The following IL2RB variants were observed in gnomAD, a reference collection of about 807,000 sequenced individuals.
IL2RB encodes interleukin 2 receptor subunit beta.
A neutral mutation model predicts 44.2 loss-of-function variants in IL2RB; 17 were observed. That is an observed-to-expected ratio of 0.38 (90% CI 0.26 to 0.58). The LOEUF (loss-of-function observed/expected upper bound fraction) is 0.58. Among genes scored for constraint, IL2RB ranks in the 20% least tolerant of loss-of-function variants. IL2RB has a pLI of 0.63. For missense variants in IL2RB, 624 were observed against 685.5 expected (o/e 0.91, Z 1.00); for synonymous variants, 286 against 297.9 (o/e 0.96, Z 0.41).
At position 37,137,619 on chromosome 22, in the gene IL2RB, C is replaced by T. The variant is rs774119548; in HGVS notation, c.505G>A (p.Ala169Thr). 8 of 1,614,080 alleles carry T rather than the reference C, an allele frequency of 5.0e-6. No homozygotes were observed. In the East Asian group the frequency reaches 1.3e-4, roughly 27 times the overall value. ...HYFERHLEFE[A>T]RTLSPGHTWE... ...GTGTGGCCTGGGGACAGCGTCCGGGCCTCGAACTCCAGGTGTCTTTCAAAG... is the reference window on the plus strand; with the variant it reads ...GTGTGGCCTGGGGACAGCGTCCGGGTCTCGAACTCCAGGTGTCTTTCAAAG... Residue 169 changes from alanine (A) to threonine (T), a missense_variant, in exon 6 of 10, where the codon GCC (alanine) becomes ACC (threonine). This residue lies in a region of IL2RB where 255 missense variants were observed against 339.9 expected (regional missense o/e 0.75). Transcript: ENST00000216223.
At chr22:37,162,728 C>T (rs1922923437) in intron 1 of IL2RB, among the ~76,000 whole-genome samples, 1 of 152,112 alleles carries the variant, frequency 6.6e-6, no homozygotes, top group Non-Finnish European at 1.5e-5. Context: ...CCCACCCCAC[C>T]CCTCTACCCC....
At position 37,160,679 on chromosome 22, in the gene IL2RB, C is replaced by CAAAAAAAAAAAAAAAAA. The variant is rs10605445; in HGVS notation, c.-34+14262_-34+14278dup. Among the ~76,000 whole-genome samples, 318 of 135,960 alleles carry CAAAAAAAAAAAAAAAAA rather than the reference C, an allele frequency of 2.3e-3. 6 individuals carry two copies. Among genetic ancestry groups the CAAAAAAAAAAAAAAAAA allele is most frequent in the African/African-American group, 9.1e-3 (312 of 34,352 alleles). 89.2% of individuals were successfully genotyped at this position (135,960 alleles called of 152,430 possible). On this transcript the variant is annotated intron_variant, in intron 1 of 5. Transcript: ENST00000429622. ...CAACATGCCGAAACCCTGTCTATGC[C>CAAAAAAAAAAAAAAAAA]AAAAAAAAAAAAAAAAAAATTTAGC...
At position 37,128,992 on chromosome 22, in the gene IL2RB, T is replaced by C; in HGVS notation, c.904-144A>G. The stretch of plus-strand genomic sequence containing the variant: ...CCCCATCCAGGAAGCTCTCCCTGAT[T>C]ATAGCCCCGCACTCCCCCAACCCAC... On this transcript the variant is annotated intron_variant, in intron 9 of 9. Transcript: ENST00000216223. The surrounding 1 kb of genome is among the most constrained non-coding windows in gnomAD (Gnocchi z 4.5). 28 of 1,028,210 alleles carry C rather than the reference T, an allele frequency of 2.7e-5. No homozygotes were observed. The highest frequency in any genetic ancestry group is 2.7e-6 in the Non-Finnish European group (2 of 728,612). 63.7% of individuals were successfully genotyped at this position (1,028,210 alleles called of 1,614,324 possible). A position where few individuals can be genotyped will look rare whatever the true frequency, so the allele number is the denominator to read the frequency against.
chr22:37,160,793 T>G (rs1223972558), intron 1 of IL2RB, among the ~76,000 whole-genome samples: 1 of 148,988 alleles, frequency 6.7e-6, no homozygotes, highest in African/African-American at 2.5e-5. Context: ...GAGGTTGCAG[T>G]GAGATCGTGG....
chr22:37,165,260 A>C lies in IL2RB; in HGVS notation c.-34+9698T>G, dbSNP rs189787330. 2.0e-5 allele frequency among the ~76,000 whole-genome samples: 3 copies of C among 152,368 alleles called. No individual in the cohort carries two copies. The East Asian group carries it at 5.8e-4, about 29-fold the overall frequency. ...ACCAGGCTGCCGCCACCTTTGGAAG[A>C]AGAGAGCCATGAGAATTTGAGCTAT... is the stretch of plus-strand genomic sequence containing the variant. On this transcript the variant is annotated intron_variant, in intron 1 of 5. Transcript: ENST00000429622.
chr22:37,136,350 C>T lies in IL2RB; in HGVS notation c.581G>A (p.Cys194Tyr), dbSNP rs1182903601. The T allele has an allele frequency of 1.9e-6, 3 of 1,612,638 alleles. No individual in the cohort carries two copies. In the Admixed American group the frequency reaches 5.0e-5, roughly 27 times the overall value. ...LTLKQKQEWI[C>Y]LETLTPDTQY... ...GGTGTCTGGGGTGAGCGTCTCCAGG[C>T]AGATCCATTCCTGCTTCTGCTTGAG... The change falls in exon 7 of 10, where the codon TGC (cysteine) becomes TAC (tyrosine). Residue 194 changes from cysteine to tyrosine, a missense_variant. This residue lies in a region of IL2RB where 255 missense variants were observed against 339.9 expected (regional missense o/e 0.75). Coordinates refer to ENST00000216223, the MANE Select transcript of IL2RB (RefSeq NM_000878.5).
chr22:37,167,540 G>C (rs1190280181), intron 1 of IL2RB, among the ~76,000 whole-genome samples: 2 of 152,198 alleles, frequency 1.3e-5, no homozygotes, highest in African/African-American at 4.8e-5. Context: ...GCCCCTGGCT[G>C]TCTGGCAGTT....
chr22:37,136,265 G>A lies in IL2RB; in HGVS notation c.666C>T (p.Pro222=), dbSNP rs1286798773. 2.5e-6 allele frequency: 4 copies of A among 1,612,398 alleles called. No individual in the cohort carries two copies. The highest frequency in any genetic ancestry group is 3.4e-6 in the Non-Finnish European group (4 of 1,179,682). The part of the protein sequence containing the change: ...PLQGEFTTWS[P]WSQPLAFRTK... ...TCCTGAAGGCCAGGGGCTGGCTCCA[G>A]GGGCTCCAGGTCGTGAACTCGCCTT... The change falls in exon 7 of 10, where the codon CCC becomes CCT. Residue 222 remains proline (P), a synonymous_variant. Coordinates refer to ENST00000216223, the MANE Select transcript of IL2RB (RefSeq NM_000878.5).
intron 1 of IL2RB, 24 bp from the exon 2 acceptor site, chr22:37,144,229 A>G: frequency 6.5e-7 from 1 of 1,528,274 alleles, no homozygotes; most frequent in South Asian, 1.2e-5. Flanking sequence ...AGAAAGAGAG[A>G]GCACACGTAA....
intron 9 of IL2RB, among the ~76,000 whole-genome samples, chr22:37,131,370 C>T (rs966113234): frequency 1.3e-5 from 2 of 152,032 alleles, no homozygotes; most frequent in Non-Finnish European, 2.9e-5. Context: ...TCATCCCCAC[C>T]CCCCAATCTT....
chr22:37,143,958 A>T, intron 2 of IL2RB, 127 bp downstream of exon 2: 1 of 1,284,058 alleles, frequency 7.8e-7, no homozygotes, highest in South Asian at 1.3e-5. Flanking sequence ...GGGGTCCAGG[A>T]CAGAGGGTGA....
chr22:37,164,314 A>AG (rs1261060577), intron 1 of IL2RB, among the ~76,000 whole-genome samples: 1 of 151,982 alleles, frequency 6.6e-6, no homozygotes, highest in Non-Finnish European at 1.5e-5. Flanking sequence ...GGGTCAGAGG[A>AG]GGGGAGCAGA....
chr22:37,136,923 G>C (rs9622550), intron 6 of IL2RB, among the ~76,000 whole-genome samples: 2,276 of 152,312 alleles, frequency 0.015, 65 homozygotes, highest in African/African-American at 0.052. Flanking sequence ...GGACACCCAG[G>C]TGTCCAAGGG....
intron 6 of IL2RB, among the ~76,000 whole-genome samples, chr22:37,137,167 G>A (rs1921749334): frequency 6.6e-6 from 1 of 152,236 alleles, no homozygotes; most frequent in East Asian, 1.9e-4. Context: ...GCGCATAGTA[G>A]GTGCTCAGCA....
chr22:37,167,910 G>T (rs886940362), intron 1 of IL2RB, among the ~76,000 whole-genome samples: 2 of 152,246 alleles, frequency 1.3e-5, no homozygotes, highest in African/African-American at 4.8e-5. Context: ...GGGAGGGAGG[G>T]AGGACAATCT....
intron 3 of IL2RB, 101 bp from the exon 4 acceptor site, chr22:37,142,613 C>A (rs1481295291): frequency 8.0e-7 from 1 of 1,247,970 alleles, no homozygotes; most frequent in Admixed American, 1.8e-5. Flanking sequence ...TGGCACCAGG[C>A]AGCAAGGCCA....
At chr22:37,137,285 G>C (rs1250689359) in intron 6 of IL2RB, among the ~76,000 whole-genome samples, 1 of 152,242 alleles carries the variant, frequency 6.6e-6, no homozygotes, top group South Asian at 2.1e-4. Flanking sequence ...CACGTGGAGG[G>C]TTGGCTTCCC....
rs567514277 is a variant in IL2RB at position 37,127,629 on chromosome 22, G to A, written c.*467C>T. 5.9e-5 allele frequency: 9 copies of A among 153,464 alleles called. No homozygotes were observed. Among genetic ancestry groups the A allele is most frequent in the Non-Finnish European group, 1.2e-4 (8 of 68,902 alleles). The allele number at this position is 153,464 out of a possible 1,614,324, so 9.5% of individuals were successfully genotyped here. Reference sequence around the variant, plus strand: ...CCTGTGCAAGGTTTTGAACCGAGGGGGAGCGTGGCCATATTTGGGTTTTGG... The same window carrying A: ...CCTGTGCAAGGTTTTGAACCGAGGGAGAGCGTGGCCATATTTGGGTTTTGG... On this transcript the variant is annotated 3_prime_UTR_variant, in exon 10 of 10. Coordinates refer to ENST00000216223, the MANE Select transcript of IL2RB (RefSeq NM_000878.5).
Position 37,126,412 on chromosome 22 carries a change from TGGCTCAACGCTTGTCTACCTTTCCAA to T in IL2RB, c.*1658_*1683del, listed in dbSNP as rs1368334881. 2.0e-5 allele frequency: 3 copies of T among 152,236 alleles called. No individual in the cohort carries two copies. The highest frequency in any genetic ancestry group is 4.4e-5 in the Non-Finnish European group (3 of 68,038). The allele number at this position is 152,236 out of a possible 1,614,324, so 9.4% of individuals were successfully genotyped here. A position where few individuals can be genotyped will look rare whatever the true frequency, so the allele number is the denominator to read the frequency against. On this transcript the variant is annotated 3_prime_UTR_variant, in exon 10 of 10. Coordinates refer to ENST00000216223, the MANE Select transcript of IL2RB (RefSeq NM_000878.5). Reference sequence around the variant, plus strand: ...TGGGAACCCAAGGTCCTCTGCTTAGTGGCTCAACGCTTGTCTACCTTTCCAAGGCTCAACGCTTGTGGAGCCTTGTC... The same window carrying T: ...TGGGAACCCAAGGTCCTCTGCTTAGTGGCTCAACGCTTGTGGAGCCTTGTC...
Sources: allele counts gnomAD v4.1 joint callset (sites outside exome capture counted in the v4.1 genomes callset), GRCh38; gene constraint gnomAD v4.1.1; regional missense constraint gnomAD v4.1.1; non-coding constraint Gnocchi (gnomAD v3.1); transcripts MANE v1.5; gene names NCBI Gene and HGNC (gene_info 2026-07-23, HGNC 2026-07-21).